ZNF536: variants seen among roughly 807,000 people sequenced by gnomAD.
ZNF536 encodes the protein zinc finger protein 536.
A neutral mutation model predicts 84.5 loss-of-function variants in ZNF536; 13 were observed. That is an observed-to-expected ratio of 0.15 (90% CI 0.10 to 0.24). The LOEUF (loss-of-function observed/expected upper bound fraction) is 0.24. Among genes scored for constraint, ZNF536 ranks in the 10% least tolerant of loss-of-function variants. The probability of loss-of-function intolerance (pLI) is 1.00; values close to 1 mark genes in which losing one functional copy is unlikely to be tolerated. For missense variants in ZNF536, 1,536 were observed against 1,747.5 expected, an observed-to-expected ratio of 0.88 and a Z score of 2.16; for synonymous variants, 811 against 742.5, an observed-to-expected ratio of 1.09 and a Z score of -1.50.
At chr19:30,251,836 G>A (rs1210246277) in intron 1 of ZNF536, among the ~76,000 whole-genome samples, 2 of 152,152 alleles carry the variant, frequency 1.3e-5, no homozygotes, top group African/African-American at 2.4e-5. Context: ...TACAATGTTT[G>A]GTTTTCCATT....
At position 30,695,863 on chromosome 19, in the gene ZNF536, G is replaced by A. The variant is rs79972809; in HGVS notation, c.170-14894G>A. Among the ~76,000 whole-genome samples the A allele has an allele frequency of 8.4e-3, 1,284 of 152,174 alleles. 9 individuals carry two copies. Among genetic ancestry groups the A allele is most frequent in the Middle Eastern group, 0.014 (4 of 294 alleles). On this transcript the variant is annotated intron_variant, in intron 1 of 1. Coordinates refer to the ZNF536 transcript ENST00000592773. ...GCTGTCACCATCTCTGCTAAATTCCGTGCATCCTTACAGCCCATCTTATTG... is the reference window on the plus strand; with the variant it reads ...GCTGTCACCATCTCTGCTAAATTCCATGCATCCTTACAGCCCATCTTATTG...
intron 2 of ZNF536, among the ~76,000 whole-genome samples, chr19:30,508,820 C>CTTTTTTTTTTTTTTTTTTTT (rs914349353): frequency 1.1e-3 from 73 of 68,766 alleles, no homozygotes; most frequent in Middle Eastern, 0.014. Flanking sequence ...TTCTTTCTTT[C>CTTTTTTTTTTTTTTTTTTTT]TTTTTTTTTT....
At chr19:30,585,195 T>C (rs964760317) in intron 1 of ZNF536, among the ~76,000 whole-genome samples, 16 of 152,092 alleles carry the variant, frequency 1.1e-4, no homozygotes, top group Admixed American at 2.0e-4. Flanking sequence ...ATAGGCTAAG[T>C]TGATTCATTT....
intron 2 of ZNF536, among the ~76,000 whole-genome samples, chr19:30,339,027 C>T (rs371761178): frequency 2.0e-4 from 30 of 152,254 alleles, no homozygotes; most frequent in Admixed American, 8.5e-4. Context: ...TTCCCTCCCC[C>T]GGGCTGTAAA....
At chr19:30,364,454 G>A (rs2048364868) in intron 3 of ZNF536, among the ~76,000 whole-genome samples, 1 of 152,186 alleles carries the variant, frequency 6.6e-6, no homozygotes, top group Non-Finnish European at 1.5e-5. Flanking sequence ...TTGAGCCCAG[G>A]GGTCAGTGAG....
intron 2 of ZNF536, among the ~76,000 whole-genome samples, chr19:30,530,197 T>A (rs1056500886): frequency 6.6e-6 from 1 of 152,140 alleles, no homozygotes; most frequent in Non-Finnish European, 1.5e-5. Flanking sequence ...AGAGAAAGTG[T>A]CACATAGGAG....
intron 1 of ZNF536, among the ~76,000 whole-genome samples, chr19:30,609,436 T>C (rs182271368): frequency 1.3e-4 from 20 of 152,354 alleles, no homozygotes; most frequent in African/African-American, 4.8e-4. Flanking sequence ...TGACTCTGCT[T>C]CTCAAGCACT....
chr19:30,420,052 G>A (rs1223552607), intron 1 of ZNF536, among the ~76,000 whole-genome samples: 1 of 152,184 alleles, frequency 6.6e-6, no homozygotes, highest in Non-Finnish European at 1.5e-5. Context: ...GGCAGAAAGG[G>A]TGCAGGGCAT....
intron 1 of ZNF536, among the ~76,000 whole-genome samples, chr19:30,580,823 A>G (rs2046894960): frequency 6.6e-6 from 1 of 152,006 alleles, no homozygotes; most frequent in South Asian, 2.1e-4. Context: ...GGCTGCTTGG[A>G]ACTCTCCCTG....
rs186050420 is a variant in ZNF536, at chr19:30,407,544, G to A, written c.-3+34988G>A. On this transcript the variant is annotated intron_variant, in intron 1 of 4. Coordinates refer to ENST00000355537, the MANE Select transcript of ZNF536 (RefSeq NM_014717.3). ...CCGCCCCAGACGACAGTCACAAGCC[G>A]GGGCCTCACGAACTTCTGACCAACA... Among the ~76,000 whole-genome samples, 264 of 152,252 alleles carry A rather than the reference G, an allele frequency of 1.7e-3. 2 individuals are homozygous for A. The highest frequency in any genetic ancestry group is 6.0e-3 in the African/African-American group (250 of 41,550).
intron 1 of ZNF536, among the ~76,000 whole-genome samples, chr19:30,567,922 C>T (rs554117172): frequency 1.3e-5 from 2 of 152,262 alleles, no homozygotes; most frequent in African/African-American, 2.4e-5. Context: ...TTGAGGCTGT[C>T]ACTCCCCGAT....
At chr19:30,257,702 C>T (rs1268505622) in intron 1 of ZNF536, among the ~76,000 whole-genome samples, 1 of 152,166 alleles carries the variant, frequency 6.6e-6, no homozygotes, top group Admixed American at 6.5e-5. Context: ...CTGTTGCTGG[C>T]CTGCCTCCCA....
intron 1 of ZNF536, among the ~76,000 whole-genome samples, chr19:30,430,632 C>T: frequency 6.6e-6 from 1 of 152,158 alleles, no homozygotes; most frequent in Non-Finnish European, 1.5e-5. Context: ...GAGAGGAGTT[C>T]CCAACAGGGG....
At chr19:30,469,836 C>A (rs1446986322) in intron 2 of ZNF536, among the ~76,000 whole-genome samples, 1 of 152,048 alleles carries the variant, frequency 6.6e-6, no homozygotes, top group Non-Finnish European at 1.5e-5. Flanking sequence ...AATCTCGGTG[C>A]AGGTTGTAGA....
intron 1 of ZNF536, among the ~76,000 whole-genome samples, chr19:30,396,981 C>T (rs2049850656): frequency 6.6e-6 from 1 of 152,196 alleles, no homozygotes; most frequent in Non-Finnish European, 1.5e-5. Context: ...CCTCTTCTTA[C>T]ACTCCAGCTT....
Position 30,444,744 on chromosome 19 carries a change from C to T in ZNF536, c.1182C>T (p.Val394=), listed in dbSNP as rs748602787. 5 of 1,614,018 alleles carry T rather than the reference C, an allele frequency of 3.1e-6. No individual in the cohort carries two copies. The South Asian group carries it at 4.4e-5, about 14-fold the overall frequency. The part of the protein sequence containing the change: ...EPWFLKNHMK[V]HLNKLSVKNK... ...GGTTCCTCAAGAACCACATGAAGGTCCACCTCAACAAGCTGTCGGTGAAGA... is the reference window on the plus strand; with the variant it reads ...GGTTCCTCAAGAACCACATGAAGGTTCACCTCAACAAGCTGTCGGTGAAGA... Residue 394 remains valine (V), a synonymous_variant, in exon 2 of 5, where the codon GTC becomes GTT. Transcript: ENST00000355537.
intron 1 of ZNF536, among the ~76,000 whole-genome samples, chr19:30,402,796 AATATAT>A (rs869301101): frequency 3.5e-5 from 3 of 85,610 alleles, no homozygotes; most frequent in Admixed American, 1.5e-4. Flanking sequence ...AAAATTAAAA[AATATAT>A]ATATATATAT....
intron 1 of ZNF536, among the ~76,000 whole-genome samples, chr19:30,627,159 G>T (rs1284602983): frequency 1.3e-5 from 2 of 152,138 alleles, no homozygotes; most frequent in Middle Eastern, 3.4e-3. Context: ...AAATGGTTAG[G>T]TACCAACGGA....
At chr19:30,458,790 C>A (rs748907710) in intron 2 of ZNF536, among the ~76,000 whole-genome samples, 1 of 152,144 alleles carries the variant, frequency 6.6e-6, no homozygotes, top group South Asian at 2.1e-4. Flanking sequence ...TTCATCGTGT[C>A]GTCTCTGAGG....
Sources: allele counts gnomAD v4.1 joint callset (sites outside exome capture counted in the v4.1 genomes callset), GRCh38; gene constraint gnomAD v4.1.1; transcripts MANE v1.5; gene names NCBI Gene and HGNC (gene_info 2026-07-23, HGNC 2026-07-21).